Variants in PCDHGB1 observed in about 807,000 individuals in gnomAD.
PCDHGB1 encodes protocadherin gamma-B1.
PCDHGB1 carries 34 observed loss-of-function variants against 56.6 expected under a neutral mutation model. That is an observed-to-expected ratio of 0.60 (90% CI 0.46 to 0.80). The LOEUF (loss-of-function observed/expected upper bound fraction) is 0.80, where lower values mean the gene tolerates loss of function less well. Ranked by LOEUF, PCDHGB1 falls within the 30% of genes least tolerant of loss-of-function variation. The pLI is 0.00. For synonymous variants in PCDHGB1, 561 were observed against 505.9 expected (o/e 1.11, Z -1.46); for missense variants, 1,278 against 1,204.6 (o/e 1.06, Z -0.90).
intron 3 of PCDHGB1, chr5:141,507,010 G>A (rs371780810): frequency 1.3e-5 from 2 of 152,324 alleles, no homozygotes; most frequent in East Asian, 1.9e-4. Flanking sequence ...TGAGAGAACC[G>A]AGAAGGCACT....
chr5:141,446,482 CTT>C (rs112180482), intron 1 of PCDHGB1, among the ~76,000 whole-genome samples: 6 of 147,048 alleles, frequency 4.1e-5, no homozygotes, highest in East Asian at 4.0e-4. Context: ...GGTCATCATT[CTT>C]TTTTTTTTTT....
intron 1 of PCDHGB1, among the ~76,000 whole-genome samples, chr5:141,457,873 G>C (rs967389295): frequency 2.0e-5 from 3 of 152,200 alleles, no homozygotes; most frequent in Non-Finnish European, 4.4e-5. Context: ...CCACAGGTTA[G>C]GAACCCTGTG....
rs778271895 is a variant in PCDHGB1 at position 141,404,140 on chromosome 5, T to C, written c.2409+51471T>C. ...AGAATCTATCTTTTACATTAGAAAA[T>C]TCAGAAGAAGATTATTACAGATTGT... On this transcript the variant is annotated intron_variant, in intron 1 of 3. Coordinates refer to ENST00000523390, the MANE Select transcript of PCDHGB1 (RefSeq NM_018922.3). The C allele has an allele frequency of 8.1e-6, 13 of 1,612,934 alleles. No homozygotes were observed. The South Asian group carries it at 1.3e-4, about 16-fold the overall frequency.
chr5:141,486,146 G>T lies in PCDHGB1; in HGVS notation c.2410-8661G>T. Reference sequence around the variant, plus strand: ...TGAATTTGATGTGCGGGCTCGCGATGGGGGTTCTCCAGCCATGGAGCAACA... The same window carrying T: ...TGAATTTGATGTGCGGGCTCGCGATTGGGGTTCTCCAGCCATGGAGCAACA... On this transcript the variant is annotated intron_variant, in intron 1 of 3. Transcript: ENST00000523390. The surrounding 1 kb of genome is among the most constrained non-coding windows in gnomAD (Gnocchi z 5.0). 6.2e-7 allele frequency: 1 copy of T among 1,614,184 alleles called. No homozygotes were observed. The highest frequency in any genetic ancestry group is 8.5e-7 in the Non-Finnish European group (1 of 1,180,032).
Position 141,490,293 on chromosome 5 carries a change from A to G in PCDHGB1, c.2410-4514A>G, listed in dbSNP as rs1316965652. On this transcript the variant is annotated intron_variant, in intron 1 of 3. Transcript: ENST00000523390. The surrounding 1 kb of genome is among the most constrained non-coding windows in gnomAD (Gnocchi z 5.4). ...TCAATGACAATGCCCCAGAGGTGCTATTGGCCTCTTTGGCCAACCCTGTCC... is the reference window on the plus strand; with the variant it reads ...TCAATGACAATGCCCCAGAGGTGCTGTTGGCCTCTTTGGCCAACCCTGTCC... The G allele has an allele frequency of 1.2e-6, 2 of 1,614,190 alleles. No individual in the cohort carries two copies. The highest frequency in any genetic ancestry group is 8.5e-7 in the Non-Finnish European group (1 of 1,180,028).
chr5:141,357,845 T>G, intron 1 of PCDHGB1: 1 of 621,436 alleles, frequency 1.6e-6, no homozygotes, highest in Admixed American at 3.4e-5. Flanking sequence ...AGTTGTAGTT[T>G]CAGCCAGAAT....
rs1318034873 is a variant in PCDHGB1 at position 141,350,595 on chromosome 5, A to G, written c.335A>G (p.Asn112Ser). Residue 112 changes from asparagine to serine, a missense_variant, in exon 1 of 4, where the codon AAT becomes AGT. Physicochemically the swap from Asn to Ser is conservative, Grantham distance 46. Coordinates refer to ENST00000523390, the MANE Select transcript of PCDHGB1 (RefSeq NM_018922.3). Reference sequence around the variant, plus strand: ...GAAACGGTCGCTGAAAACCCAATGAATGTTTTCCACGTGGTTGTTGTAATC... The same window carrying G: ...GAAACGGTCGCTGAAAACCCAATGAGTGTTTTCCACGTGGTTGTTGTAATC... ...EFETVAENPM[N>S]VFHVVVVIQD... 2 of 1,614,002 alleles carry G rather than the reference A, an allele frequency of 1.2e-6. No homozygotes were observed. The highest frequency in any genetic ancestry group is 1.3e-5 in the African/African-American group (1 of 75,036).
intron 1 of PCDHGB1, chr5:141,423,665 G>A: frequency 6.6e-7 from 1 of 1,512,226 alleles, no homozygotes; most frequent in Non-Finnish European, 8.9e-7. Flanking sequence ...AATCAGGTGA[G>A]ATTTATTTCT....
At chr5:141,457,116 C>T (rs933634563) in intron 1 of PCDHGB1, among the ~76,000 whole-genome samples, 5 of 152,176 alleles carry the variant, frequency 3.3e-5, no homozygotes, top group Non-Finnish European at 7.3e-5. Flanking sequence ...AATACGACAG[C>T]AATGGAAACT....
At chr5:141,377,770 T>A (rs1774342115) in intron 1 of PCDHGB1, 1 of 152,210 alleles carries the variant, frequency 6.6e-6, no homozygotes, top group South Asian at 2.1e-4. Flanking sequence ...ATCTTTGGTG[T>A]TAAAAGACCT....
chr5:141,408,060 T>G (rs2095034623), intron 1 of PCDHGB1: 1 of 1,324,738 alleles, frequency 7.5e-7, no homozygotes, highest in Admixed American at 2.9e-5. Flanking sequence ...GCCTCCCGGC[T>G]GCGCAGACCT....
At chr5:141,495,652 T>C (rs1403816239) in intron 2 of PCDHGB1, among the ~76,000 whole-genome samples, 2 of 152,336 alleles carry the variant, frequency 1.3e-5, no homozygotes, top group Admixed American at 6.5e-5. Context: ...CTACTTGCAT[T>C]GATCTGTGCC....
rs750823337 is a variant in PCDHGB1 at position 141,351,495 on chromosome 5, C to G, written c.1235C>G (p.Ala412Gly). Residue 412 changes from alanine to glycine, a missense_variant, in exon 1 of 4, where the codon GCA (alanine) becomes GGA (glycine). Transcript: ENST00000523390. ...IAGALNREQTADYNVTIIATD... is the reference protein window; with the variant it reads ...IAGALNREQTGDYNVTIIATD... ...GGAGCCCTAAACCGGGAGCAGACAG[C>G]AGACTACAACGTCACAATCATAGCC... 3.7e-6 allele frequency: 6 copies of G among 1,613,980 alleles called. No individual in the cohort carries two copies. Among genetic ancestry groups the G allele is most frequent in the Non-Finnish European group, 5.1e-6 (6 of 1,179,872 alleles).
At chr5:141,387,848 C>T (rs746271589) in intron 1 of PCDHGB1, 1 of 1,597,460 alleles carries the variant, frequency 6.3e-7, no homozygotes, top group South Asian at 1.1e-5. Flanking sequence ...AACCCGGCGT[C>T]TCCAGGCTGG....
chr5:141,354,406 A>G (rs1192533081), intron 1 of PCDHGB1, among the ~76,000 whole-genome samples: 1 of 152,244 alleles, frequency 6.6e-6, no homozygotes, highest in Admixed American at 6.5e-5. Context: ...TCTACTGTAC[A>G]CAAAATTAAG....
intron 1 of PCDHGB1, chr5:141,409,843 C>G: frequency 6.2e-7 from 1 of 1,611,804 alleles, no homozygotes; most frequent in Non-Finnish European, 8.5e-7. Context: ...CCAACGTGAG[C>G]CTGCGCGTGT....
intron 1 of PCDHGB1, chr5:141,416,811 A>C (rs1355425793): frequency 2.6e-5 from 4 of 152,188 alleles, no homozygotes; most frequent in Non-Finnish European, 5.9e-5. Context: ...AAAGTCAAAA[A>C]GCATTCCGAA....
At chr5:141,482,755 T>TGAAGTGGGAG (rs1554165462) in intron 1 of PCDHGB1, among the ~76,000 whole-genome samples, 1 of 143,580 alleles carries the variant, frequency 7.0e-6, no homozygotes, top group South Asian at 2.1e-4. Context: ...GGGATTATGG[T>TGAAGTGGGAG]ATTTCATTAT....
intron 1 of PCDHGB1, among the ~76,000 whole-genome samples, chr5:141,438,948 G>A (rs2154558298): frequency 6.6e-6 from 1 of 152,142 alleles, no homozygotes; most frequent in Middle Eastern, 3.4e-3. Context: ...TTATAGGCAT[G>A]AGCCACCGCA....
Sources: gnomAD v4.1 joint callset for allele counts (sites outside exome capture counted in the v4.1 genomes callset) on GRCh38, gnomAD v4.1.1 for gene constraint, Gnocchi (gnomAD v3.1) non-coding constraint, MANE v1.5 for transcripts, NCBI Gene and HGNC (gene_info 2026-07-23, HGNC 2026-07-21) for gene names.